Variants in HTT observed in about 807,000 individuals in gnomAD.
HTT encodes the protein huntingtin, also known as huntington disease protein.
In HTT, 104 loss-of-function variants were observed where a neutral mutation model predicts 362.3. The ratio of observed to expected loss-of-function variants is 0.29; its 90% CI spans 0.24 to 0.34. HTT has a LOEUF of 0.34. Among genes scored for constraint, HTT ranks in the 10% least tolerant of loss-of-function variants. The pLI, the probability that HTT is intolerant of heterozygous loss-of-function variation, is 1.00. For missense variants in HTT, 3,301 were observed against 3,928.6 expected, an observed-to-expected ratio of 0.84 and a Z score of 4.27; for synonymous variants, 1,577 against 1,548.7, an observed-to-expected ratio of 1.02 and a Z score of -0.43.
At chr4:3,096,024 C>T (rs1170230024) in intron 2 of HTT, among the ~76,000 whole-genome samples, 1 of 152,200 alleles carries the variant, frequency 6.6e-6, no homozygotes, top group African/African-American at 2.4e-5. Context: ...CTACAGGTAA[C>T]AGAACGGAAA....
intron 21 of HTT, among the ~76,000 whole-genome samples, chr4:3,138,635 AG>A (rs1716197050): frequency 1.3e-5 from 2 of 152,210 alleles, no homozygotes; most frequent in Admixed American, 1.3e-4. Flanking sequence ...TTTTTGAGAT[AG>A]GGTCTCATTC....
At chr4:3,238,767 G>A in intron 65 of HTT, 51 bp from the exon 66 acceptor site, 1 of 1,350,906 alleles carries the variant, frequency 7.4e-7, no homozygotes. Context: ...CGCAGCAGGT[G>A]CTTCCCGTCC....
At chr4:3,172,209 C>T (rs1306446911) in intron 29 of HTT, 111 bp from the exon 30 acceptor site, 11 of 748,780 alleles carry the variant, frequency 1.5e-5, no homozygotes, top group Non-Finnish European at 2.7e-5. Context: ...TTTTCCTCTA[C>T]TATTTACACA....
intron 2 of HTT, among the ~76,000 whole-genome samples, chr4:3,088,641 C>T (rs1389965265): frequency 6.6e-6 from 1 of 152,140 alleles, no homozygotes; most frequent in Admixed American, 6.5e-5. Context: ...ATTAAACTCC[C>T]TATCATCCAT....
chr4:3,169,410 A>G (rs1199022634), intron 29 of HTT, among the ~76,000 whole-genome samples: 1 of 151,916 alleles, frequency 6.6e-6, no homozygotes, highest in Non-Finnish European at 1.5e-5. Flanking sequence ...ATGATTGCTT[A>G]GTGTTGTCCC....
At chr4:3,158,676 G>A (rs1039667919) in intron 28 of HTT, among the ~76,000 whole-genome samples, 3 of 151,580 alleles carry the variant, frequency 2.0e-5, no homozygotes, top group African/African-American at 4.9e-5. Context: ...TTTATCAAAC[G>A]TATGTGGCTT....
chr4:3,087,337 T>G (rs1713260345), intron 2 of HTT, among the ~76,000 whole-genome samples: 1 of 152,250 alleles, frequency 6.6e-6, no homozygotes, highest in African/African-American at 2.4e-5. Flanking sequence ...TATTTTTGCA[T>G]TTGTTGCAAT....
chr4:3,087,191 A>G (rs1014498239), intron 2 of HTT, among the ~76,000 whole-genome samples, 169 bp downstream of exon 2: 1 of 152,234 alleles, frequency 6.6e-6, no homozygotes, highest in African/African-American at 2.4e-5. Context: ...GGATATCCAG[A>G]CACTGAAATG....
intron 30 of HTT, 146 bp downstream of exon 30, chr4:3,172,543 A>G (rs1403173357): frequency 4.3e-6 from 3 of 698,868 alleles, no homozygotes; most frequent in South Asian, 3.2e-5. Flanking sequence ...TCAGTCCATG[A>G]TTGAGCCAAG....
Position 3,240,118 on chromosome 4 carries a change from C to T in HTT, c.*59C>T, listed in dbSNP as rs362307. On this transcript the variant is annotated 3_prime_UTR_variant, in exon 67 of 67. Coordinates refer to ENST00000355072, the MANE Select transcript of HTT (RefSeq NM_001388492.1). ...TGGGGCCGGAGCCTTTGGAAGTCTG[C>T]GCCCTTGTGCCCTGCCTCCACCGAG... 94,833 of 1,414,892 alleles carry T rather than the reference C, an allele frequency of 0.067. 3,833 individuals carry two copies. The highest frequency in any genetic ancestry group is 0.12 in the Admixed American group (6,107 of 50,586). 87.6% of individuals were successfully genotyped at this position (1,414,892 alleles called of 1,614,324 possible).
chr4:3,159,343 C>G (rs1016809360), intron 28 of HTT, among the ~76,000 whole-genome samples: 1 of 152,208 alleles, frequency 6.6e-6, no homozygotes, highest in Non-Finnish European at 1.5e-5. Context: ...TTCCAGAATT[C>G]CATGCCTTCT....
rs374553823 is a variant in HTT, at chr4:3,154,430, G to A, written c.3625+11G>A. ...GTGAGGCCAGTGCAGGTAGGAAACA[G>A]CGTGGGGAAGGGAGGGACATGAGTG... On this transcript the variant is annotated intron_variant, in intron 27 of 66. Coordinates refer to ENST00000355072, the MANE Select transcript of HTT (RefSeq NM_001388492.1). The A allele has an allele frequency of 4.3e-6, 7 of 1,612,750 alleles. No individual in the cohort carries two copies. The African/African-American group carries it at 6.7e-5, about 15-fold the overall frequency.
chr4:3,144,257 T>C (rs894958327), intron 23 of HTT, among the ~76,000 whole-genome samples: 4 of 152,364 alleles, frequency 2.6e-5, no homozygotes, highest in African/African-American at 9.6e-5. Flanking sequence ...GTATAACTTT[T>C]GTTATCAGAA....
intron 1 of HTT, among the ~76,000 whole-genome samples, chr4:3,081,949 T>G (rs1712935610): frequency 6.6e-6 from 1 of 152,202 alleles, no homozygotes; most frequent in African/African-American, 2.4e-5. Context: ...AAAAATATCT[T>G]CAAGCAGCAC....
intron 1 of HTT, among the ~76,000 whole-genome samples, chr4:3,085,550 T>C (rs971179519): frequency 5.3e-5 from 8 of 152,338 alleles, no homozygotes; most frequent in Admixed American, 3.9e-4. Context: ...GTGGTTTCTT[T>C]TTCACTTAAT....
In HTT at chr4:3,206,930, G is replaced by A. The variant is rs1364589136; in HGVS notation, c.6022G>A (p.Val2008Ile). 6.2e-7 allele frequency: 1 copy of A among 1,613,998 alleles called. No individual in the cohort carries two copies. The highest frequency in any genetic ancestry group is 8.5e-7 in the Non-Finnish European group (1 of 1,179,978). ...CTPFRVLARM[V>I]DILACRRVEM... The stretch of plus-strand genomic sequence containing the variant: ...CCCTTTCCGTGTGCTGGCTCGCATG[G>A]TCGACATCCTTGCTTGTCGCCGGGT... The change falls in exon 44 of 67, where the codon GTC becomes ATC. Residue 2008 changes from valine (V) to isoleucine (I), a missense_variant. By Grantham distance (29) the Val-to-Ile change is conservative. Coordinates refer to ENST00000355072, the MANE Select transcript of HTT (RefSeq NM_001388492.1). The surrounding 1 kb of genome is among the most constrained non-coding windows in gnomAD (Gnocchi z 4.6).
intron 29 of HTT, 57 bp from the exon 30 acceptor site, chr4:3,172,262 AT>A (rs1718020481): frequency 1.1e-6 from 1 of 942,138 alleles, no homozygotes. Context: ...TCTGTCTAGG[AT>A]TCGTACAATA....
At chr4:3,130,126 G>C in intron 13 of HTT, 79 bp downstream of exon 13, 1 of 1,420,492 alleles carries the variant, frequency 7.0e-7, no homozygotes, top group Non-Finnish European at 9.5e-7. Flanking sequence ...TTGCTTCCAA[G>C]AAGAAGTCCT....
chr4:3,125,581 G>A lies in HTT; in HGVS notation c.1354G>A (p.Glu452Lys). Reference sequence around the variant, plus strand: ...GCTCTTAGGAGAAGAAGAAGCCTTGGAGGATGACTCTGAATCGAGATCGGA... The same window carrying A: ...GCTCTTAGGAGAAGAAGAAGCCTTGAAGGATGACTCTGAATCGAGATCGGA... ...KVLLGEEEAL[E>K]DDSESRSDVS... The change falls in exon 11 of 67, where the codon GAG becomes AAG. Residue 452 changes from glutamate to lysine, a missense_variant. Glu to Lys is a moderately conservative substitution (Grantham distance 56). This residue lies in a region of HTT where 2,316 missense variants were observed against 2,658.5 expected (regional missense o/e 0.87). Coordinates refer to ENST00000355072, the MANE Select transcript of HTT (RefSeq NM_001388492.1). 6.2e-7 allele frequency: 1 copy of A among 1,613,868 alleles called. No individual in the cohort carries two copies. The highest frequency in any genetic ancestry group is 2.2e-5 in the East Asian group (1 of 44,886).
Sources: gnomAD v4.1 joint callset for allele counts (sites outside exome capture counted in the v4.1 genomes callset) on GRCh38, gnomAD v4.1.1 for gene constraint, gnomAD v4.1.1 regional missense constraint, Gnocchi (gnomAD v3.1) non-coding constraint, MANE v1.5 for transcripts, NCBI Gene and HGNC (gene_info 2026-07-23, HGNC 2026-07-21) for gene names.